Variants in CTNNA3 observed in about 807,000 individuals in gnomAD.
The protein encoded by CTNNA3 is catenin alpha 3.
A neutral mutation model predicts 95.7 loss-of-function variants in CTNNA3; 76 were observed. That is an observed-to-expected ratio of 0.79 (90% confidence interval 0.66 to 0.96). The LOEUF is 0.96. Among genes scored for constraint, CTNNA3 ranks in the 40% least tolerant of loss-of-function variants. The probability of loss-of-function intolerance (pLI) is 0.00; values close to 1 mark genes in which losing one functional copy is unlikely to be tolerated. For synonymous variants in CTNNA3, 431 were observed against 374.4 expected (o/e 1.15, Z -1.74); for missense variants, 1,191 against 1,089.8 (o/e 1.09, Z -1.31).
chr10:66,606,661 C>T (rs1844132891), intron 10 of CTNNA3, among the ~76,000 whole-genome samples: 1 of 152,256 alleles, frequency 6.6e-6, no homozygotes, highest in Non-Finnish European at 1.5e-5. Context: ...GAATAACCTA[C>T]TCCCAAATGG....
rs147119693 is a variant in CTNNA3 at position 67,197,204 on chromosome 10, T to C, written c.844-16684A>G. 1.6e-3 allele frequency among the ~76,000 whole-genome samples: 240 copies of C among 152,226 alleles called. 3 individuals are homozygous for C. Among genetic ancestry groups the C allele is most frequent in the African/African-American group, 5.6e-3 (231 of 41,560 alleles). ...TGCAAAATTTAAACAAACATTTGAA[T>C]AGTTCCTGTCATTTCCGAGGTTTAT... On this transcript the variant is annotated intron_variant, in intron 6 of 17. Transcript: ENST00000433211.
At chr10:66,603,875 T>C (rs1173922176) in intron 10 of CTNNA3, among the ~76,000 whole-genome samples, 1 of 152,158 alleles carries the variant, frequency 6.6e-6, no homozygotes, top group Non-Finnish European at 1.5e-5. Context: ...TGTATATTCA[T>C]ATGCAGAAGA....
chr10:66,169,439 G>A (rs1248370740), intron 13 of CTNNA3, among the ~76,000 whole-genome samples: 1 of 152,098 alleles, frequency 6.6e-6, no homozygotes, highest in African/African-American at 2.4e-5. Flanking sequence ...CATTTGGGCT[G>A]GTTCCACATT....
chr10:67,618,186 C>A (rs1390167641), intron 2 of CTNNA3, among the ~76,000 whole-genome samples: 5 of 152,138 alleles, frequency 3.3e-5, no homozygotes, highest in Non-Finnish European at 5.9e-5. Flanking sequence ...CCATCAATAA[C>A]CTTTGACTGC....
rs535780327 is a variant in CTNNA3 at position 67,001,508 on chromosome 10, G to A, written c.1047+178809C>T. Among the ~76,000 whole-genome samples, 3 of 151,820 alleles carry A rather than the reference G, an allele frequency of 2.0e-5. No homozygotes were observed. In the South Asian group the frequency reaches 6.3e-4, roughly 32 times the overall value. On this transcript the variant is annotated intron_variant, in intron 7 of 17. Coordinates refer to ENST00000433211, the MANE Select transcript of CTNNA3 (RefSeq NM_013266.4). ...GGGGCACAGACAGGTGGAAAATTTA[G>A]AGGAATATAGAATTTTTCACCAGCT...
intron 5 of CTNNA3, among the ~76,000 whole-genome samples, chr10:67,511,577 C>T (rs1483971549): frequency 2.6e-5 from 4 of 152,082 alleles, no homozygotes; most frequent in Non-Finnish European, 4.4e-5. Context: ...CTTTTTGATG[C>T]GCTGCTGGAT....
In CTNNA3 at chr10:67,365,759, C is replaced by T. The variant is rs547143549; in HGVS notation, c.580-145889G>A. 2.0e-4 allele frequency among the ~76,000 whole-genome samples: 30 copies of T among 152,266 alleles called. 1 individual carries two copies. Among genetic ancestry groups the T allele is most frequent in the South Asian group, 4.1e-4 (2 of 4,820 alleles). ...TGGAGAGGATGTGAAGAAATAGGAA[C>T]GCTTTTACACTGTTGATGGGAGTGT... On this transcript the variant is annotated intron_variant, in intron 5 of 17. Coordinates refer to ENST00000433211, the MANE Select transcript of CTNNA3 (RefSeq NM_013266.4).
At chr10:67,014,449 G>A (rs1359111709) in intron 7 of CTNNA3, among the ~76,000 whole-genome samples, 1 of 152,056 alleles carries the variant, frequency 6.6e-6, no homozygotes, top group African/African-American at 2.4e-5. Flanking sequence ...AATCCCAGGT[G>A]GTGCCTGTTT....
At chr10:66,386,516 C>A (rs562987738) in intron 11 of CTNNA3, among the ~76,000 whole-genome samples, 1 of 152,244 alleles carries the variant, frequency 6.6e-6, no homozygotes, top group South Asian at 2.1e-4. Context: ...AATGGCCATA[C>A]TGCCCAAGGT....
At chr10:67,504,451 A>AAAAAAAAAACAAAAAAAC (rs1554845819) in intron 5 of CTNNA3, among the ~76,000 whole-genome samples, 1 of 143,532 alleles carries the variant, frequency 7.0e-6, no homozygotes, top group South Asian at 2.5e-4. Flanking sequence ...AAAAAAAAAA[A>AAAAAAAAAACAAAAAAAC]AAAAAAAAAC....
At position 65,953,206 on chromosome 10, in the gene CTNNA3, T is replaced by A. The variant is rs528980084; in HGVS notation, c.2400+13406A>T. Among the ~76,000 whole-genome samples, 5 of 152,346 alleles carry A rather than the reference T, an allele frequency of 3.3e-5. No individual in the cohort carries two copies. The South Asian group carries it at 6.2e-4, about 19-fold the overall frequency. ...TACTAGGTGAACAGTTGATGAAGAA[T>A]CTGCTCCCTGATGAGAATGCCTTGA... is the stretch of plus-strand genomic sequence containing the variant. On this transcript the variant is annotated intron_variant, in intron 17 of 17. Transcript: ENST00000433211.
intron 5 of CTNNA3, among the ~76,000 whole-genome samples, chr10:67,516,742 A>T (rs532471708): frequency 6.6e-6 from 1 of 152,236 alleles, no homozygotes; most frequent in East Asian, 1.9e-4. Context: ...TGTACCTTTG[A>T]TCAATATCTA....
intron 3 of CTNNA3, among the ~76,000 whole-genome samples, chr10:67,563,242 C>T (rs982683492): frequency 0.01 from 1,370 of 136,904 alleles, no homozygotes; most frequent in African/African-American, 0.04. Context: ...TCAAACTATA[C>T]TACAAGGCTA....
chr10:66,092,125 C>A (rs1379144774), intron 14 of CTNNA3, among the ~76,000 whole-genome samples: 1 of 151,964 alleles, frequency 6.6e-6, no homozygotes, highest in African/African-American at 2.4e-5. Context: ...CTCTCATTCC[C>A]AATATCCAAT....
chr10:66,337,236 T>C (rs2092407089), intron 12 of CTNNA3, among the ~76,000 whole-genome samples: 1 of 152,136 alleles, frequency 6.6e-6, no homozygotes. Context: ...ATAAATTTAA[T>C]CTGCATACGA....
chr10:66,494,140 T>C (rs943543871), intron 11 of CTNNA3, among the ~76,000 whole-genome samples: 5 of 148,352 alleles, frequency 3.4e-5, no homozygotes, highest in African/African-American at 1.3e-4. Flanking sequence ...ACTCCTGACC[T>C]CAGGTGATCC....
chr10:66,713,702 A>C (rs1416997197), intron 9 of CTNNA3, among the ~76,000 whole-genome samples: 1 of 152,078 alleles, frequency 6.6e-6, no homozygotes, highest in Non-Finnish European at 1.5e-5. Context: ...AGCCTTGTCC[A>C]CCTATATTCT....
chr10:67,179,111 T>C (rs372557463), intron 7 of CTNNA3, among the ~76,000 whole-genome samples: 1 of 152,040 alleles, frequency 6.6e-6, no homozygotes, highest in East Asian at 1.9e-4. Context: ...AATTGAACAA[T>C]CTCAAATATC....
At chr10:65,924,851 A>C (rs1238684192) in intron 17 of CTNNA3, among the ~76,000 whole-genome samples, 1 of 152,232 alleles carries the variant, frequency 6.6e-6, no homozygotes. Context: ...AAGAAGGAAC[A>C]AAGTCATGTC....
Sources: gnomAD v4.1 joint callset for allele counts (sites outside exome capture counted in the v4.1 genomes callset) on GRCh38, gnomAD v4.1.1 for gene constraint, MANE v1.5 for transcripts, NCBI Gene and HGNC (gene_info 2026-07-23, HGNC 2026-07-21) for gene names.